Variants in EPB41L5 observed in about 807,000 individuals in gnomAD.
EPB41L5 encodes the protein band 4.1-like protein 5.
A neutral mutation model predicts 106.6 loss-of-function variants in EPB41L5; 55 were observed. The ratio of observed to expected loss-of-function variants is 0.52; its 90% CI spans 0.42 to 0.65. The LOEUF (loss-of-function observed/expected upper bound fraction) is 0.65. Ranked by LOEUF, EPB41L5 falls within the 30% of genes least tolerant of loss-of-function variation. The pLI is 0.00. For missense variants in EPB41L5, 871 were observed against 882.1 expected, an observed-to-expected ratio of 0.99 and a Z score of 0.16; for synonymous variants, 297 against 306.7, an observed-to-expected ratio of 0.97 and a Z score of 0.33.
chr2:120,090,494 C>T lies in EPB41L5; in HGVS notation c.1021C>T (p.Leu341=), dbSNP rs745543972. 1 of 1,612,382 alleles carries T rather than the reference C, an allele frequency of 6.2e-7. No homozygotes were observed. Among genetic ancestry groups the T allele is most frequent in the African/African-American group, 1.3e-5 (1 of 74,812 alleles). Residue 341 remains leucine (L), a synonymous_variant, in exon 12 of 25, where the codon CTA becomes TTA. Coordinates refer to ENST00000263713, the MANE Select transcript of EPB41L5 (RefSeq NM_020909.4). The stretch of plus-strand genomic sequence containing the variant: ...TTCTCATCGATCAGGATTTATTCGA[C>T]TAGGATCACGATTTAGATATAGGTT... ...KSSHRSGFIR[L]GSRFRYSGKT...
intron 18 of EPB41L5, among the ~76,000 whole-genome samples, chr2:120,139,929 C>T (rs1002329171): frequency 2.0e-5 from 3 of 151,982 alleles, no homozygotes; most frequent in African/African-American, 7.2e-5. Context: ...TATCTATCAA[C>T]AGATGAATAG....
chr2:120,075,610 A>AT, intron 6 of EPB41L5, 90 bp downstream of exon 6: 1 of 1,414,606 alleles, frequency 7.1e-7, no homozygotes, highest in South Asian at 1.2e-5. Context: ...TAAAAAAGAA[A>AT]TGGTCAACAT....
At chr2:120,050,480 C>T (rs1680158709) in intron 3 of EPB41L5, among the ~76,000 whole-genome samples, 1 of 152,162 alleles carries the variant, frequency 6.6e-6, no homozygotes, top group Admixed American at 6.5e-5. Flanking sequence ...TGCATCACGT[C>T]ATTCTCGTGC....
intron 16 of EPB41L5, among the ~76,000 whole-genome samples, chr2:120,115,669 C>T (rs1359600082): frequency 6.6e-6 from 1 of 151,546 alleles, no homozygotes; most frequent in Admixed American, 6.6e-5. Context: ...GAATTACAGA[C>T]ATGAGCCACC....
rs1351257947 is a variant in EPB41L5, at chr2:120,090,328, A to G, written c.874-19A>G. 2.8e-5 allele frequency: 44 copies of G among 1,575,398 alleles called. No individual in the cohort carries two copies. Among genetic ancestry groups the G allele is most frequent in the Non-Finnish European group, 3.8e-5 (44 of 1,162,794 alleles). The stretch of plus-strand genomic sequence containing the variant: ...TTTGAATTAGTAATCATCCTTTTAT[A>G]TATACTTTTCTTTTTCAGGGCAAAG... On this transcript the variant is annotated intron_variant, in intron 11 of 24. Coordinates refer to ENST00000263713, the MANE Select transcript of EPB41L5 (RefSeq NM_020909.4).
intron 17 of EPB41L5, among the ~76,000 whole-genome samples, chr2:120,131,157 C>T (rs1014117329): frequency 2.6e-5 from 4 of 152,022 alleles, no homozygotes; most frequent in Non-Finnish European, 5.9e-5. Context: ...AATCAGTGAA[C>T]GAATAAATAT....
At chr2:120,041,835 G>GATTT (rs1679425022) in intron 2 of EPB41L5, among the ~76,000 whole-genome samples, 171 bp from the exon 3 acceptor site, 2 of 152,178 alleles carry the variant, frequency 1.3e-5, no homozygotes, top group Admixed American at 6.5e-5. Context: ...GGCCTTAAGT[G>GATTT]ATTTATTAGA....
chr2:120,023,937 G>GT (rs1678119007), intron 2 of EPB41L5, among the ~76,000 whole-genome samples: 1 of 152,134 alleles, frequency 6.6e-6, no homozygotes, highest in South Asian at 2.1e-4. Flanking sequence ...TATTCTCTTT[G>GT]TAGCAGTTGT....
Position 120,175,506 on chromosome 2 carries a change from T to A in EPB41L5, c.*599T>A, listed in dbSNP as rs1687888760. 1 of 152,474 alleles carries A rather than the reference T, an allele frequency of 6.6e-6. No homozygotes were observed. Among genetic ancestry groups the A allele is most frequent in the African/African-American group, 2.4e-5 (1 of 41,418 alleles). The allele number at this position is 152,474 out of a possible 1,614,324, so 9.4% of individuals were successfully genotyped here. A position where few individuals can be genotyped will look rare whatever the true frequency, so the allele number is the denominator to read the frequency against. ...AATGTCTCCCATTCTTTTGATTTCT[T>A]ACTGTACTGGCTATCTTAATATTTC... On this transcript the variant is annotated 3_prime_UTR_variant, in exon 25 of 25. Transcript: ENST00000263713.
intron 3 of EPB41L5, among the ~76,000 whole-genome samples, chr2:120,061,030 A>ATTTTTT (rs1487982867): frequency 9.5e-5 from 6 of 63,154 alleles, no homozygotes; most frequent in African/African-American, 1.5e-4. Context: ...GGTTCAGGGA[A>ATTTTTT]GTTTTTTTTT....
intron 20 of EPB41L5, among the ~76,000 whole-genome samples, chr2:120,154,236 G>A (rs1019798005): frequency 5.3e-5 from 8 of 151,772 alleles, no homozygotes; most frequent in East Asian, 3.9e-4. Context: ...TTGGCTCACC[G>A]CAACCTCTGC....
rs777100198 is a variant in EPB41L5, at chr2:120,019,154, C to T, written c.70C>T (p.Arg24Ter). ...TAAACATGCAGAGAAGGAACGACTC[C>T]GAGAAGCACAACGCGCCGCCACACA... ...MRKHAEKERL[R>*]EAQRAATHIP... Residue 24 changes from arginine (R) to a stop codon, truncating the protein, a stop_gained, in exon 2 of 25, where the codon CGA (arginine) becomes TGA (stop). Transcript: ENST00000263713. LOFTEE classifies it high-confidence loss of function. 2.5e-6 allele frequency: 4 copies of T among 1,613,954 alleles called. No individual in the cohort carries two copies. The highest frequency in any genetic ancestry group is 3.4e-6 in the Non-Finnish European group (4 of 1,179,994).
intron 21 of EPB41L5, among the ~76,000 whole-genome samples, chr2:120,162,344 A>G (rs1216207082): frequency 6.6e-6 from 1 of 152,232 alleles, no homozygotes; most frequent in East Asian, 1.9e-4. Flanking sequence ...TTAAATTAAA[A>G]ATTGCCCTTG....
intron 3 of EPB41L5, among the ~76,000 whole-genome samples, chr2:120,069,128 CAAAAAAAAAAAAAAAAAAAAAAAAAA>C: frequency 1.3e-5 from 1 of 79,554 alleles, no homozygotes; most frequent in African/African-American, 5.9e-5. Flanking sequence ...AACTCTGTCT[CAAAAAAAAAAAAAAAAAAAAAAAAAA>C]AAAAAAAAAA....
intron 3 of EPB41L5, among the ~76,000 whole-genome samples, chr2:120,054,483 C>T (rs531670120): frequency 1.7e-4 from 26 of 151,630 alleles, no homozygotes; most frequent in Non-Finnish European, 3.2e-4. Flanking sequence ...AAGATTTACA[C>T]GTTTTCTTCT....
chr2:120,069,288 G>C (rs1230774125), intron 3 of EPB41L5, among the ~76,000 whole-genome samples: 1 of 151,920 alleles, frequency 6.6e-6, no homozygotes, highest in Admixed American at 6.6e-5. Flanking sequence ...AAATATATAT[G>C]CACCCAAAAT....
chr2:120,169,832 G>A (rs1051736452), intron 24 of EPB41L5, among the ~76,000 whole-genome samples: 1 of 152,110 alleles, frequency 6.6e-6, no homozygotes, highest in Non-Finnish European at 1.5e-5. Flanking sequence ...TAGTCCGTGG[G>A]GAATGTAAAT....
intron 24 of EPB41L5, among the ~76,000 whole-genome samples, chr2:120,173,216 A>T (rs547077307): frequency 6.6e-6 from 1 of 152,376 alleles, no homozygotes; most frequent in East Asian, 1.9e-4. Flanking sequence ...GAATTTTAAC[A>T]TCATCAAAAT....
chr2:120,074,565 T>C (rs111912628), intron 5 of EPB41L5, among the ~76,000 whole-genome samples: 62 of 152,336 alleles, frequency 4.1e-4, no homozygotes, highest in African/African-American at 1.4e-3. Context: ...TCTTTACTCA[T>C]TGAAATGCCA....
Sources: allele counts gnomAD v4.1 joint callset (sites outside exome capture counted in the v4.1 genomes callset), GRCh38; gene constraint gnomAD v4.1.1; transcripts MANE v1.5; gene names NCBI Gene and HGNC (gene_info 2026-07-23, HGNC 2026-07-21).